Variants in MYO3B observed in about 807,000 individuals in gnomAD.
MYO3B encodes myosin IIIB.
In MYO3B, 156 loss-of-function variants were observed where a neutral mutation model predicts 174.6. That is an observed-to-expected ratio of 0.89 (90% CI 0.78 to 1.02). The LOEUF is 1.02. MYO3B is among the 50% of genes least tolerant of loss of function. MYO3B has a pLI of 0.00. For synonymous variants in MYO3B, 563 were observed against 569.1 expected (o/e 0.99, Z 0.15); for missense variants, 1,632 against 1,639.4 (o/e 1.00, Z 0.08).
At chr2:170,489,815 G>A (rs1299287731) in intron 25 of MYO3B, among the ~76,000 whole-genome samples, 4 of 151,946 alleles carry the variant, frequency 2.6e-5, no homozygotes, top group African/African-American at 4.8e-5. Context: ...ACATTATAGA[G>A]GGTAATCTGC....
chr2:170,451,307 A>G (rs1683581626), intron 23 of MYO3B, among the ~76,000 whole-genome samples: 1 of 152,264 alleles, frequency 6.6e-6, no homozygotes, highest in Non-Finnish European at 1.5e-5. Flanking sequence ...CAGAAGTACA[A>G]ATAAGGTTTG....
At chr2:170,565,533 T>C (rs955249831) in intron 32 of MYO3B, among the ~76,000 whole-genome samples, 4 of 152,180 alleles carry the variant, frequency 2.6e-5, no homozygotes, top group African/African-American at 9.7e-5. Flanking sequence ...TTGGTTTTGT[T>C]TCAAATGGCA....
intron 1 of MYO3B, among the ~76,000 whole-genome samples, chr2:170,196,055 A>T (rs1370632331): frequency 6.6e-6 from 1 of 152,214 alleles, no homozygotes; most frequent in Non-Finnish European, 1.5e-5. Context: ...AGGGGCAGCC[A>T]CAATTGATGG....
chr2:170,411,916 A>G (rs1005775917), intron 22 of MYO3B: 4 of 152,246 alleles, frequency 2.6e-5, no homozygotes, highest in Admixed American at 1.3e-4. Flanking sequence ...GCCACAGTCA[A>G]TATGAATTCT....
chr2:170,192,529 A>G (rs1157448082), intron 1 of MYO3B, among the ~76,000 whole-genome samples: 1 of 150,194 alleles, frequency 6.7e-6, no homozygotes. Context: ...ATTTAATTAT[A>G]TATTCTACTG....
chr2:170,570,603 C>T (rs555543226), intron 32 of MYO3B, among the ~76,000 whole-genome samples: 2 of 152,306 alleles, frequency 1.3e-5, no homozygotes, highest in Admixed American at 1.3e-4. Flanking sequence ...GCAAATTACT[C>T]TACTCAGTGT....
At chr2:170,452,702 TA>T (rs1284097988) in intron 23 of MYO3B, among the ~76,000 whole-genome samples, 6 of 152,188 alleles carry the variant, frequency 3.9e-5, no homozygotes, top group African/African-American at 1.4e-4. Flanking sequence ...CATGGATGCA[TA>T]AAGTGTCTCA....
chr2:170,640,751 G>A (rs1001156484), intron 32 of MYO3B: 13 of 151,866 alleles, frequency 8.6e-5, no homozygotes, highest in Admixed American at 6.6e-4. Context: ...CCTTCTATAG[G>A]AAATGGAATC....
chr2:170,598,500 C>G (rs574849892), intron 32 of MYO3B, among the ~76,000 whole-genome samples: 1 of 152,346 alleles, frequency 6.6e-6, no homozygotes, highest in Non-Finnish European at 1.5e-5. Context: ...TCTCAGCCTT[C>G]CAGCTTAGTC....
At chr2:170,619,436 G>T (rs1045477481) in intron 32 of MYO3B, among the ~76,000 whole-genome samples, 4 of 152,096 alleles carry the variant, frequency 2.6e-5, no homozygotes, top group African/African-American at 7.2e-5. Flanking sequence ...AATAGTTTCA[G>T]GGGGTCTCCC....
chr2:170,323,612 C>T (rs931069453), intron 7 of MYO3B, among the ~76,000 whole-genome samples: 2 of 152,146 alleles, frequency 1.3e-5, no homozygotes, highest in Non-Finnish European at 2.9e-5. Context: ...AGCTCGGCCG[C>T]ACCATTACCA....
chr2:170,564,501 G>A (rs1257782170), intron 32 of MYO3B, among the ~76,000 whole-genome samples: 1 of 151,992 alleles, frequency 6.6e-6, no homozygotes, highest in Non-Finnish European at 1.5e-5. Flanking sequence ...TTCATTCTAA[G>A]GCAAATATTT....
chr2:170,342,037 G>C (rs1252212745), intron 8 of MYO3B: 1 of 152,228 alleles, frequency 6.6e-6, no homozygotes, highest in East Asian at 1.9e-4. Flanking sequence ...CCATGGTAAT[G>C]TGAGAGAAAT....
At chr2:170,320,545 G>A (rs1205486094) in intron 7 of MYO3B, among the ~76,000 whole-genome samples, 3 of 152,108 alleles carry the variant, frequency 2.0e-5, no homozygotes, top group Admixed American at 6.6e-5. Context: ...TTTTGTGAAT[G>A]TTTCATGGGC....
Position 170,178,475 on chromosome 2 carries a change from C to T in MYO3B, c.2+186C>T, listed in dbSNP as rs537610113. Reference sequence around the variant, plus strand: ...CTCTCAGTTAGCATTTGCCTTTTGTCTGGGTGGTTAAATTTCTCTTGAAGG... The same window carrying T: ...CTCTCAGTTAGCATTTGCCTTTTGTTTGGGTGGTTAAATTTCTCTTGAAGG... On this transcript the variant is annotated intron_variant, in intron 1 of 34. Transcript: ENST00000408978. 2.0e-5 allele frequency among the ~76,000 whole-genome samples: 3 copies of T among 152,190 alleles called. No individual in the cohort carries two copies. The South Asian group carries it at 6.2e-4, about 32-fold the overall frequency.
At chr2:170,632,479 G>T (rs770466403) in intron 32 of MYO3B, among the ~76,000 whole-genome samples, 2 of 152,138 alleles carry the variant, frequency 1.3e-5, no homozygotes, top group African/African-American at 4.8e-5. Context: ...ATTTAAAGCA[G>T]TGTGTAGAGG....
chr2:170,441,691 T>C (rs1268085308), intron 22 of MYO3B, among the ~76,000 whole-genome samples: 2 of 152,220 alleles, frequency 1.3e-5, no homozygotes, highest in African/African-American at 4.8e-5. Flanking sequence ...TTAGACCATA[T>C]AGGGTAACTT....
At chr2:170,183,744 G>C (rs958246127) in intron 1 of MYO3B, among the ~76,000 whole-genome samples, 2 of 151,872 alleles carry the variant, frequency 1.3e-5, no homozygotes, top group Non-Finnish European at 2.9e-5. Context: ...AGAGATACTT[G>C]TCTTTTTTCT....
At chr2:170,549,928 T>A (rs1256633184) in intron 32 of MYO3B, among the ~76,000 whole-genome samples, 1 of 152,188 alleles carries the variant, frequency 6.6e-6, no homozygotes, top group Non-Finnish European at 1.5e-5. Context: ...GTCTCCCATT[T>A]GATAGGGAAA....
Sources: gnomAD v4.1 joint callset for allele counts (sites outside exome capture counted in the v4.1 genomes callset) on GRCh38, gnomAD v4.1.1 for gene constraint, MANE v1.5 for transcripts, NCBI Gene and HGNC (gene_info 2026-07-23, HGNC 2026-07-21) for gene names.